PRKG1: variants seen among roughly 807,000 people sequenced by gnomAD.
PRKG1 encodes protein kinase cGMP-dependent 1, also known as cGMP-dependent protein kinase 1.
Under a neutral mutation model 88.1 loss-of-function variants are expected in PRKG1, and 35 were observed. The observed-to-expected ratio is 0.40, with a 90% CI of 0.30 to 0.53. PRKG1 has a LOEUF of 0.53. Among genes scored for constraint, PRKG1 ranks in the 20% least tolerant of loss-of-function variants. The pLI is 0.59. For missense variants in PRKG1, 540 were observed against 839.8 expected (o/e 0.64, Z 4.41); for synonymous variants, 303 against 292.5 (o/e 1.04, Z -0.37).
intron 1 of PRKG1, among the ~76,000 whole-genome samples, chr10:51,077,858 A>G (rs1844000211): frequency 6.6e-6 from 1 of 152,242 alleles, no homozygotes; most frequent in African/African-American, 2.4e-5. Context: ...CTATATTTGG[A>G]AATAAACTGA....
chr10:52,056,168 TAAG>T (rs1247326298), intron 6 of PRKG1, among the ~76,000 whole-genome samples: 2 of 152,286 alleles, frequency 1.3e-5, no homozygotes, highest in Middle Eastern at 3.4e-3. Context: ...TGTTAGAAGA[TAAG>T]AAAATTTTAA....
intron 3 of PRKG1, among the ~76,000 whole-genome samples, chr10:51,760,745 T>A (rs994519487): frequency 3.9e-5 from 6 of 152,230 alleles, no homozygotes; most frequent in South Asian, 2.1e-4. Flanking sequence ...GTGCTGGGAT[T>A]ACAGGTGTGA....
At chr10:52,009,294 T>A (rs78747026) in intron 5 of PRKG1, among the ~76,000 whole-genome samples, 6,753 of 152,166 alleles carry the variant, frequency 0.044, 364 homozygotes, top group African/African-American at 0.13. Flanking sequence ...GCCCCAAAGG[T>A]CCTTGATCTG....
chr10:52,028,466 A>G (rs938793291), intron 5 of PRKG1, among the ~76,000 whole-genome samples: 1 of 152,122 alleles, frequency 6.6e-6, no homozygotes, highest in Admixed American at 6.5e-5. Context: ...GAGATATACT[A>G]TTTCTGTAAA....
chr10:51,897,805 C>G (rs1296585120), intron 4 of PRKG1, among the ~76,000 whole-genome samples: 2 of 152,102 alleles, frequency 1.3e-5, no homozygotes, highest in Admixed American at 6.6e-5. Context: ...GGACTCTCAT[C>G]TGGTCTACCA....
chr10:52,062,890 T>C (rs1001288347), intron 7 of PRKG1: 6 of 693,280 alleles, frequency 8.7e-6, no homozygotes, highest in Admixed American at 6.8e-5. Context: ...GTGTCCTTAA[T>C]TGCAATCTCT....
chr10:51,727,390 A>G (rs891709408), intron 3 of PRKG1, among the ~76,000 whole-genome samples: 4 of 151,844 alleles, frequency 2.6e-5, no homozygotes, highest in African/African-American at 9.7e-5. Context: ...GATTGTGTCT[A>G]TTGGAATTAC....
intron 5 of PRKG1, among the ~76,000 whole-genome samples, chr10:51,967,178 A>G (rs933685996): frequency 1.3e-5 from 2 of 152,224 alleles, no homozygotes; most frequent in Non-Finnish European, 2.9e-5. Flanking sequence ...CAATAATGAT[A>G]GACTGGATTA....
chr10:51,275,232 A>G (rs920045733), intron 2 of PRKG1, among the ~76,000 whole-genome samples: 5 of 152,238 alleles, frequency 3.3e-5, no homozygotes, highest in South Asian at 2.1e-4. Context: ...ATTGTCTACC[A>G]TCATCTTTCC....
chr10:51,798,114 C>A (rs964800882), intron 3 of PRKG1, among the ~76,000 whole-genome samples: 16 of 151,980 alleles, frequency 1.1e-4, no homozygotes, highest in African/African-American at 3.9e-4. Context: ...AATATTAACA[C>A]ACAAATATCT....
chr10:51,914,659 G>A (rs1436050044), intron 5 of PRKG1, among the ~76,000 whole-genome samples: 1 of 152,060 alleles, frequency 6.6e-6, no homozygotes, highest in African/African-American at 2.4e-5. Flanking sequence ...GATTTTCTTG[G>A]AATAAAAGAC....
chr10:51,879,088 A>C (rs1841373207), intron 4 of PRKG1, among the ~76,000 whole-genome samples: 1 of 152,226 alleles, frequency 6.6e-6, no homozygotes, highest in Admixed American at 6.5e-5. Flanking sequence ...AATAGGCAGG[A>C]GATAGAAAGA....
At chr10:51,153,616 G>A (rs1300655991) in intron 2 of PRKG1, among the ~76,000 whole-genome samples, 1 of 151,970 alleles carries the variant, frequency 6.6e-6, no homozygotes. Context: ...TCTTCATGCA[G>A]TCAGGTCACT....
intron 4 of PRKG1, among the ~76,000 whole-genome samples, chr10:51,893,001 T>C (rs1841760116): frequency 6.6e-6 from 1 of 152,216 alleles, no homozygotes; most frequent in African/African-American, 2.4e-5. Context: ...TTATTTTTGA[T>C]GCAGGCATAT....
chr10:51,214,122 G>A (rs1210317934), intron 2 of PRKG1, among the ~76,000 whole-genome samples: 3 of 152,168 alleles, frequency 2.0e-5, no homozygotes, highest in Admixed American at 1.3e-4. Context: ...AGAATGGAAT[G>A]TTAGTCTTAT....
chr10:51,537,333 T>A (rs1160989728), intron 3 of PRKG1, among the ~76,000 whole-genome samples: 1 of 152,170 alleles, frequency 6.6e-6, no homozygotes, highest in Non-Finnish European at 1.5e-5. Context: ...AATGAGAAAA[T>A]GAAGTTCTTA....
At chr10:52,128,880 T>G (rs1244571934) in intron 7 of PRKG1, among the ~76,000 whole-genome samples, 1 of 152,220 alleles carries the variant, frequency 6.6e-6, no homozygotes, top group East Asian at 1.9e-4. Context: ...GACTGTTATG[T>G]GGCTAGATAT....
chr10:51,021,987 G>T (rs1028309027), intron 1 of PRKG1, among the ~76,000 whole-genome samples: 1 of 152,142 alleles, frequency 6.6e-6, no homozygotes, highest in African/African-American at 2.4e-5. Flanking sequence ...GACCAAGCCT[G>T]GTTCTTATAA....
chr10:51,899,707 A>G (rs966688358), intron 4 of PRKG1, among the ~76,000 whole-genome samples: 1 of 148,738 alleles, frequency 6.7e-6, no homozygotes, highest in African/African-American at 2.5e-5. Context: ...AAATTTCTCA[A>G]TATCTAACTA....
Sources: gnomAD v4.1 joint callset for allele counts (sites outside exome capture counted in the v4.1 genomes callset) on GRCh38, gnomAD v4.1.1 for gene constraint, MANE v1.5 for transcripts, NCBI Gene and HGNC (gene_info 2026-07-23, HGNC 2026-07-21) for gene names.